ANKS1B: variants seen among roughly 807,000 people sequenced by gnomAD.
ANKS1B encodes the protein ankyrin repeat and sterile alpha motif domain-containing protein 1B.
ANKS1B carries 36 observed loss-of-function variants against 148.3 expected under a neutral mutation model. The ratio of observed to expected loss-of-function variants is 0.24; its 90% confidence interval spans 0.19 to 0.32. ANKS1B has a LOEUF of 0.32. Ranked by LOEUF, ANKS1B falls within the 10% of genes least tolerant of loss-of-function variation. The pLI is 1.00. For synonymous variants in ANKS1B, 542 were observed against 560.8 expected (o/e 0.97, Z 0.47); for missense variants, 1,157 against 1,542.6 (o/e 0.75, Z 4.19).
intron 11 of ANKS1B, among the ~76,000 whole-genome samples, chr12:99,411,696 A>G (rs1252362177): frequency 4.6e-5 from 7 of 152,226 alleles, no homozygotes; most frequent in African/African-American, 1.7e-4. Flanking sequence ...TTTATCATAT[A>G]CTAAATTTCC....
At chr12:99,779,290 T>C (rs1201414738) in intron 6 of ANKS1B, among the ~76,000 whole-genome samples, 1 of 152,220 alleles carries the variant, frequency 6.6e-6, no homozygotes, top group African/African-American at 2.4e-5. Flanking sequence ...TTTTATACCA[T>C]TGGATTAGGA....
At chr12:99,246,233 G>T (rs1159165334) in intron 13 of ANKS1B, 42 bp downstream of exon 13, 22 of 1,414,898 alleles carry the variant, frequency 1.6e-5, no homozygotes, top group Non-Finnish European at 2.0e-5. Flanking sequence ...TCCCTCAACT[G>T]CAAAGCCTTA....
intron 26 of ANKS1B, among the ~76,000 whole-genome samples, chr12:98,748,035 T>C (rs1040592381): frequency 1.3e-5 from 2 of 152,194 alleles, no homozygotes; most frequent in Non-Finnish European, 2.9e-5. Context: ...TAGTATTTGA[T>C]AGCACAGTAG....
intron 14 of ANKS1B, among the ~76,000 whole-genome samples, chr12:99,232,363 A>T (rs1230085099): frequency 6.6e-6 from 1 of 152,226 alleles, no homozygotes; most frequent in Non-Finnish European, 1.5e-5. Context: ...CTTGAGATTA[A>T]TCTAATATAG....
chr12:99,197,995 T>A (rs1310948358), intron 14 of ANKS1B, among the ~76,000 whole-genome samples: 2 of 152,092 alleles, frequency 1.3e-5, no homozygotes, highest in Non-Finnish European at 2.9e-5. Context: ...ATCTTCCACA[T>A]CTATCTTCCA....
rs1208803057 is a variant in ANKS1B, at chr12:98,745,692, G to C, written c.*47C>G. On this transcript the variant is annotated 3_prime_UTR_variant, in exon 27 of 27. Coordinates refer to ENST00000683438, the MANE Select transcript of ANKS1B (RefSeq NM_001352186.2). Reference sequence around the variant, plus strand: ...AGGCGCGAAGGAAAGCCTGCTCCGGGACCGCTTGGCGAGCAAGGCACCGCG... The same window carrying C: ...AGGCGCGAAGGAAAGCCTGCTCCGGCACCGCTTGGCGAGCAAGGCACCGCG... 1.2e-6 allele frequency: 2 copies of C among 1,605,862 alleles called. No individual in the cohort carries two copies. Among genetic ancestry groups the C allele is most frequent in the Non-Finnish European group, 1.7e-6 (2 of 1,175,652 alleles).
intron 8 of ANKS1B, among the ~76,000 whole-genome samples, chr12:99,705,777 GGTGACC>G (rs1188621928): frequency 1.3e-5 from 2 of 152,162 alleles, no homozygotes; most frequent in East Asian, 3.9e-4. Context: ...AGGAGTAGAA[GGTGACC>G]AGTCCGGATT....
intron 16 of ANKS1B, among the ~76,000 whole-genome samples, chr12:99,065,981 G>A (rs1565859242): frequency 6.6e-6 from 1 of 152,086 alleles, no homozygotes. Context: ...CGTGGTTAGG[G>A]GAAGTTTCAT....
chr12:99,729,702 T>G (rs2058952698), intron 8 of ANKS1B, among the ~76,000 whole-genome samples: 3 of 152,224 alleles, frequency 2.0e-5, no homozygotes, highest in Non-Finnish European at 4.4e-5. Context: ...TTTTCACGCC[T>G]TGTAAATTTC....
intron 11 of ANKS1B, 90 bp downstream of exon 11, chr12:99,443,583 C>T (rs903632799): frequency 1.8e-5 from 24 of 1,344,130 alleles, no homozygotes; most frequent in Non-Finnish European, 5.1e-6. Flanking sequence ...CCACATAAAA[C>T]AGTCCAGGCA....
intron 12 of ANKS1B, among the ~76,000 whole-genome samples, chr12:99,340,165 C>T (rs964655886): frequency 5.3e-5 from 8 of 152,174 alleles, no homozygotes; most frequent in African/African-American, 1.4e-4. Flanking sequence ...GGTTCATTAG[C>T]CTGCTCCAAG....
chr12:99,758,359 T>C (rs1044727114), intron 8 of ANKS1B, among the ~76,000 whole-genome samples: 10 of 151,894 alleles, frequency 6.6e-5, no homozygotes, highest in Non-Finnish European at 1.5e-4. Flanking sequence ...TGGGGTAACC[T>C]TTCAGTGATA....
chr12:99,235,455 G>C (rs2087724250), intron 14 of ANKS1B, among the ~76,000 whole-genome samples: 1 of 152,072 alleles, frequency 6.6e-6, no homozygotes, highest in Non-Finnish European at 1.5e-5. Context: ...GAGTAAAGTT[G>C]ATAAGAAAAG....
chr12:99,925,281 G>A (rs1286954327), intron 1 of ANKS1B, among the ~76,000 whole-genome samples: 2 of 152,094 alleles, frequency 1.3e-5, no homozygotes, highest in African/African-American at 4.8e-5. Context: ...GTAACCAGTG[G>A]GCTTGGGTTT....
chr12:99,273,639 C>T (rs961896033), intron 12 of ANKS1B, among the ~76,000 whole-genome samples: 1 of 141,130 alleles, frequency 7.1e-6, no homozygotes, highest in Non-Finnish European at 1.5e-5. Flanking sequence ...TGCAGTGGCA[C>T]AATCTCGGCT....
chr12:99,604,815 CA>C lies in ANKS1B; in HGVS notation c.1272+50251del, dbSNP rs150262116. ...GGGCGACAAGGGCAAAACTCTATCT[CA>C]AAAAAAAAAAAAAAAAGAAAAGAAA... is the stretch of plus-strand genomic sequence containing the variant. On this transcript the variant is annotated intron_variant, in intron 9 of 26. Coordinates refer to ENST00000683438, the MANE Select transcript of ANKS1B (RefSeq NM_001352186.2). Among the ~76,000 whole-genome samples the C allele has an allele frequency of 3.5e-3, 281 of 81,084 alleles. 1 individual carries two copies. The highest frequency in any genetic ancestry group is 0.018 in the East Asian group (50 of 2,800). The allele number at this position is 81,084 out of a possible 152,430, so 53.2% of individuals were successfully genotyped here. A position where few individuals can be genotyped will look rare whatever the true frequency, so the allele number is the denominator to read the frequency against.
chr12:99,797,781 C>G (rs1350744362), intron 4 of ANKS1B, among the ~76,000 whole-genome samples: 1 of 151,856 alleles, frequency 6.6e-6, no homozygotes, highest in Non-Finnish European at 1.5e-5. Context: ...AAGAAATTCT[C>G]TCATTGATTG....
At chr12:99,910,354 CAAAAAAAAA>C (rs57222450) in intron 1 of ANKS1B, among the ~76,000 whole-genome samples, 3 of 51,092 alleles carry the variant, frequency 5.9e-5, no homozygotes, top group Non-Finnish European at 1.0e-4. Context: ...GACTCCATCT[CAAAAAAAAA>C]AAAAAAAAAA....
At chr12:99,124,255 T>C (rs921702207) in intron 15 of ANKS1B, among the ~76,000 whole-genome samples, 8 of 152,010 alleles carry the variant, frequency 5.3e-5, no homozygotes, top group African/African-American at 1.9e-4. Flanking sequence ...TGCCAAGGAT[T>C]TAAGAAATAA....
Sources: allele counts gnomAD v4.1 joint callset (sites outside exome capture counted in the v4.1 genomes callset), GRCh38; gene constraint gnomAD v4.1.1; transcripts MANE v1.5; gene names NCBI Gene and HGNC (gene_info 2026-07-23, HGNC 2026-07-21).